NKAIN2: variants seen among roughly 807,000 people sequenced by gnomAD.
The protein encoded by NKAIN2 is sodium/potassium-transporting ATPase subunit beta-1-interacting protein 2.
In NKAIN2, 14 loss-of-function variants were observed where a neutral mutation model predicts 32.6. That is an observed-to-expected ratio of 0.43 (90% confidence interval 0.28 to 0.67). The LOEUF (loss-of-function observed/expected upper bound fraction) is 0.67. Ranked by LOEUF, NKAIN2 falls within the 30% of genes least tolerant of loss-of-function variation. The pLI, the probability that NKAIN2 is intolerant of heterozygous loss-of-function variation, is 0.17. For synonymous variants in NKAIN2, 80 were observed against 87.2 expected, an observed-to-expected ratio of 0.92 and a Z score of 0.46; for missense variants, 198 against 258.3, an observed-to-expected ratio of 0.77 and a Z score of 1.60.
chr6:124,140,512 T>G (rs766018294), intron 1 of NKAIN2, among the ~76,000 whole-genome samples: 1 of 151,738 alleles, frequency 6.6e-6, no homozygotes, highest in Non-Finnish European at 1.5e-5. Flanking sequence ...ATACGTGCCA[T>G]TTTTTTTACT....
intron 4 of NKAIN2, among the ~76,000 whole-genome samples, chr6:124,748,401 T>A (rs945949): frequency 6.6e-6 from 1 of 151,692 alleles, no homozygotes; most frequent in Non-Finnish European, 1.5e-5. Flanking sequence ...CTACAGGCAC[T>A]CTTCTTACAT....
Position 124,823,472 on chromosome 6 carries a change from C to T in NKAIN2, c.*243C>T. The T allele has an allele frequency of 2.2e-6, 1 of 456,624 alleles. No individual in the cohort carries two copies. Among genetic ancestry groups the T allele is most frequent in the Non-Finnish European group, 3.9e-6 (1 of 255,492 alleles). 28.3% of individuals were successfully genotyped at this position (456,624 alleles called of 1,614,324 possible). On this transcript the variant is annotated 3_prime_UTR_variant, in exon 7 of 7. Transcript: ENST00000368417. The stretch of plus-strand genomic sequence containing the variant: ...AACAGACAAATATGCAGGACACGCC[C>T]ATCTTGGATTTCCTGAAAGCAGGCC...
At chr6:124,395,695 A>T (rs144636900) in intron 3 of NKAIN2, among the ~76,000 whole-genome samples, 372 of 152,286 alleles carry the variant, frequency 2.4e-3, no homozygotes, top group African/African-American at 8.5e-3. Context: ...AGGTAAAGTA[A>T]CATCAGTGAT....
chr6:124,418,476 A>G (rs964647720), intron 3 of NKAIN2, among the ~76,000 whole-genome samples: 17 of 147,954 alleles, frequency 1.1e-4, no homozygotes, highest in Non-Finnish European at 2.2e-4. Flanking sequence ...TTTATATAGT[A>G]TATATATATA....
intron 3 of NKAIN2, among the ~76,000 whole-genome samples, chr6:124,549,073 G>A (rs1220172009): frequency 1.3e-5 from 2 of 152,058 alleles, no homozygotes; most frequent in Admixed American, 1.3e-4. Context: ...TGAGGTCAAA[G>A]GTGGCTTTTA....
intron 3 of NKAIN2, among the ~76,000 whole-genome samples, chr6:124,532,514 C>T (rs1045453790): frequency 1.3e-5 from 2 of 152,144 alleles, no homozygotes; most frequent in African/African-American, 2.4e-5. Context: ...ACCATCCAGT[C>T]TACTCTTATT....
intron 1 of NKAIN2, among the ~76,000 whole-genome samples, chr6:124,257,935 G>GC (rs1296685604): frequency 2.0e-5 from 3 of 151,156 alleles, no homozygotes; most frequent in African/African-American, 7.3e-5. Flanking sequence ...CCCGCCACCA[G>GC]CCCCCGGGTA....
intron 3 of NKAIN2, among the ~76,000 whole-genome samples, chr6:124,615,161 C>G (rs1186134818): frequency 6.6e-6 from 1 of 152,146 alleles, no homozygotes; most frequent in Non-Finnish European, 1.5e-5. Flanking sequence ...TCACATAAAA[C>G]GTTATCTTAC....
chr6:124,442,180 G>A (rs1775718629), intron 3 of NKAIN2, among the ~76,000 whole-genome samples: 1 of 151,872 alleles, frequency 6.6e-6, no homozygotes, highest in South Asian at 2.1e-4. Context: ...TAAGCCCTTT[G>A]CCACTGTCTG....
chr6:124,184,494 A>G (rs536508553), intron 1 of NKAIN2, among the ~76,000 whole-genome samples: 1 of 152,278 alleles, frequency 6.6e-6, no homozygotes, highest in South Asian at 2.1e-4. Context: ...CCACCCGAAG[A>G]GTCCCTTAAT....
Position 123,988,864 on chromosome 6 carries a change from G to C in NKAIN2, c.54+184610G>C, listed in dbSNP as rs1340507870. Among the ~76,000 whole-genome samples the C allele has an allele frequency of 3.0e-4, 44 of 144,908 alleles. No homozygotes were observed. The Admixed American group carries it at 3.2e-3, about 11-fold the overall frequency. On this transcript the variant is annotated intron_variant, in intron 1 of 6. Coordinates refer to ENST00000368417, the MANE Select transcript of NKAIN2 (RefSeq NM_001040214.3). ...ACTGAATTAGTTGCTGTAGATATTT[G>C]AACCTTAAGAGTGTGTGTGTGTGTG... is the stretch of plus-strand genomic sequence containing the variant.
intron 1 of NKAIN2, among the ~76,000 whole-genome samples, chr6:124,164,585 C>T (rs1024167432): frequency 6.6e-6 from 1 of 151,958 alleles, no homozygotes; most frequent in Non-Finnish European, 1.5e-5. Context: ...GCACAACATC[C>T]AATAGACACA....
chr6:124,726,650 C>T, intron 4 of NKAIN2, among the ~76,000 whole-genome samples: 1 of 147,470 alleles, frequency 6.8e-6, no homozygotes, highest in Non-Finnish European at 1.5e-5. Context: ...ACCAGAGCGC[C>T]TCTCCTCCTC....
At chr6:124,322,778 G>A (rs1332646023) in intron 2 of NKAIN2, among the ~76,000 whole-genome samples, 1 of 152,132 alleles carries the variant, frequency 6.6e-6, no homozygotes, top group Non-Finnish European at 1.5e-5. Context: ...TAAAGACTCA[G>A]CAGTGTAATT....
chr6:124,614,727 GA>G (rs1339427256), intron 3 of NKAIN2, among the ~76,000 whole-genome samples: 1 of 151,582 alleles, frequency 6.6e-6, no homozygotes, highest in Non-Finnish European at 1.5e-5. Context: ...CATTCCTCCT[GA>G]AGTCAGATTT....
intron 1 of NKAIN2, among the ~76,000 whole-genome samples, chr6:123,878,624 TA>T (rs1203618052): frequency 4.6e-5 from 7 of 152,202 alleles, no homozygotes; most frequent in African/African-American, 1.7e-4. Flanking sequence ...CCAAATATGA[TA>T]ATATATTCAT....
At chr6:123,868,629 A>G (rs1040630421) in intron 1 of NKAIN2, among the ~76,000 whole-genome samples, 9 of 152,204 alleles carry the variant, frequency 5.9e-5, no homozygotes, top group Admixed American at 3.9e-4. Flanking sequence ...TTTAGAAATT[A>G]ATCAAATTTC....
intron 1 of NKAIN2, among the ~76,000 whole-genome samples, chr6:123,922,444 A>G (rs1775799102): frequency 6.6e-6 from 1 of 152,204 alleles, no homozygotes; most frequent in Non-Finnish European, 1.5e-5. Context: ...ATTCTTATAG[A>G]AATCTGTCCT....
intron 1 of NKAIN2, among the ~76,000 whole-genome samples, chr6:123,916,565 C>T (rs544722983): frequency 4.6e-5 from 7 of 152,106 alleles, no homozygotes; most frequent in East Asian, 1.9e-4. Flanking sequence ...GCCCTACCTC[C>T]AGTATACTTT....
Sources: gnomAD v4.1 joint callset for allele counts (sites outside exome capture counted in the v4.1 genomes callset) on GRCh38, gnomAD v4.1.1 for gene constraint, MANE v1.5 for transcripts, NCBI Gene and HGNC (gene_info 2026-07-23, HGNC 2026-07-21) for gene names.